Variants in ATP8A2 observed in about 807,000 individuals in gnomAD.
The protein encoded by ATP8A2 is ATPase phospholipid transporting 8A2.
In ATP8A2, 100 loss-of-function variants were observed where a neutral mutation model predicts 165.6. The ratio of observed to expected loss-of-function variants is 0.60; its 90% confidence interval spans 0.51 to 0.71. The LOEUF is 0.71. ATP8A2 is among the 30% of genes least tolerant of loss of function. ATP8A2 has a pLI of 0.00. For synonymous variants in ATP8A2, 543 were observed against 548.8 expected (o/e 0.99, Z 0.15); for missense variants, 1,227 against 1,479.5 (o/e 0.83, Z 2.80).
chr13:26,008,758 A>C (rs551831796), intron 35 of ATP8A2, among the ~76,000 whole-genome samples: 3 of 152,382 alleles, frequency 2.0e-5, no homozygotes, highest in African/African-American at 7.2e-5. Context: ...AGTAGCCTTC[A>C]GTGCTGAAGA....
intron 23 of ATP8A2, among the ~76,000 whole-genome samples, chr13:25,584,494 A>T (rs1016637398): frequency 6.6e-6 from 1 of 152,226 alleles, no homozygotes; most frequent in South Asian, 2.1e-4. Flanking sequence ...CTCCTTCTAG[A>T]TGAAAAAAGG....
At chr13:25,694,221 T>C (rs78774634) in intron 24 of ATP8A2, among the ~76,000 whole-genome samples, 5,978 of 152,324 alleles carry the variant, frequency 0.039, 138 homozygotes, top group Non-Finnish European at 0.059. Context: ...TCTCCATTTA[T>C]GCTGTGCCCT....
chr13:25,683,333 G>C (rs565216576), intron 24 of ATP8A2, among the ~76,000 whole-genome samples: 1 of 152,236 alleles, frequency 6.6e-6, no homozygotes, highest in Non-Finnish European at 1.5e-5. Flanking sequence ...GACTGCAGTT[G>C]GTCCTCTTGC....
At chr13:25,771,411 A>G (rs562726304) in intron 26 of ATP8A2, among the ~76,000 whole-genome samples, 2 of 152,306 alleles carry the variant, frequency 1.3e-5, no homozygotes, top group Non-Finnish European at 1.5e-5. Context: ...TAAATACTTG[A>G]GTTATAACAT....
In ATP8A2 at chr13:25,961,630, C is replaced by T; in HGVS notation, c.3239C>T (p.Thr1080Ile). 6.2e-7 allele frequency: 1 copy of T among 1,614,006 alleles called. No individual in the cohort carries two copies. Among genetic ancestry groups the T allele is most frequent in the Non-Finnish European group, 8.5e-7 (1 of 1,179,918 alleles). Residue 1080 changes from threonine (T) to isoleucine (I), a missense_variant, in exon 34 of 37, where the codon ACT becomes ATT. Around this residue, in one of 5 missense-constraint regions of ATP8A2, gnomAD observed 260 missense variants for 245.1 expected, o/e 1.06. Transcript: ENST00000381655. ...TGGTTGGGATTATTTCTGGTTCCTACTGCCTGTTTGATTGAAGATGTGGCA... is the reference window on the plus strand; with the variant it reads ...TGGTTGGGATTATTTCTGGTTCCTATTGCCTGTTTGATTGAAGATGTGGCA... ...HFWLGLFLVPTACLIEDVAWR... is the reference protein window; with the variant it reads ...HFWLGLFLVPIACLIEDVAWR...
At chr13:25,609,061 T>G (rs1341975852) in intron 24 of ATP8A2, among the ~76,000 whole-genome samples, 3 of 152,020 alleles carry the variant, frequency 2.0e-5, no homozygotes, top group African/African-American at 7.2e-5. Flanking sequence ...GCCTTACCGA[T>G]TAGATTACAA....
chr13:25,447,827 A>T (rs751535524), intron 1 of ATP8A2, among the ~76,000 whole-genome samples: 30 of 152,130 alleles, frequency 2.0e-4, no homozygotes, highest in Non-Finnish European at 4.1e-4. Flanking sequence ...TTTCAGTGGG[A>T]TGGGGAGCTG....
Position 25,419,546 on chromosome 13 carries a change from G to A in ATP8A2, c.76+47258G>A, listed in dbSNP as rs147925601. Among the ~76,000 whole-genome samples the A allele has an allele frequency of 8.5e-5, 13 of 152,212 alleles. No individual in the cohort carries two copies. The East Asian group carries it at 1.2e-3, about 14-fold the overall frequency. ...TAGGCCATTTTGACTAATGCCCAAC[G>A]CACTTACTCACTGGGCAGCTGGAGT... On this transcript the variant is annotated intron_variant, in intron 1 of 36. Transcript: ENST00000381655.
intron 15 of ATP8A2, among the ~76,000 whole-genome samples, chr13:25,561,772 C>T (rs578005247): frequency 6.6e-6 from 1 of 152,314 alleles, no homozygotes; most frequent in Non-Finnish European, 1.5e-5. Context: ...AACAAAAATT[C>T]TTCATTGCTG....
intron 24 of ATP8A2, among the ~76,000 whole-genome samples, chr13:25,670,607 T>C (rs1178364894): frequency 6.6e-6 from 1 of 152,248 alleles, no homozygotes; most frequent in East Asian, 1.9e-4. Flanking sequence ...CCTGTATAGC[T>C]AACATAAATG....
intron 24 of ATP8A2, among the ~76,000 whole-genome samples, chr13:25,655,923 T>A (rs1593145981): frequency 2.6e-5 from 4 of 152,306 alleles, no homozygotes; most frequent in Admixed American, 2.6e-4. Flanking sequence ...TTTGCCAACT[T>A]GTGAGATGTC....
chr13:25,436,096 T>C (rs1036709170), intron 1 of ATP8A2, among the ~76,000 whole-genome samples: 1 of 152,116 alleles, frequency 6.6e-6, no homozygotes, highest in African/African-American at 2.4e-5. Flanking sequence ...TAATAGATTT[T>C]ACTTTTTTCA....
intron 33 of ATP8A2, among the ~76,000 whole-genome samples, chr13:25,935,235 A>G (rs893673801): frequency 1.3e-5 from 2 of 152,170 alleles, no homozygotes; most frequent in Admixed American, 6.5e-5. Context: ...TTGATATTTC[A>G]TGTAAATTCT....
At chr13:25,775,120 G>A (rs528524580) in intron 27 of ATP8A2, among the ~76,000 whole-genome samples, 161 bp downstream of exon 27, 80 of 152,206 alleles carry the variant, frequency 5.3e-4, no homozygotes, top group Non-Finnish European at 6.8e-4. Context: ...TGTGAAGCTG[G>A]GCTCGCCATT....
At position 25,610,951 on chromosome 13, in the gene ATP8A2, G is replaced by A. The variant is rs143511232; in HGVS notation, c.2211+21252G>A. ...TCTTGATTTGATTCTCACCTTAGTC[G>A]CTGTTGGTGTATAGAAGAACTACTG... On this transcript the variant is annotated intron_variant, in intron 24 of 36. Coordinates refer to ENST00000381655, the MANE Select transcript of ATP8A2 (RefSeq NM_016529.6). Among the ~76,000 whole-genome samples, 200 of 143,214 alleles carry A rather than the reference G, an allele frequency of 1.4e-3. 1 individual carries two copies. Among genetic ancestry groups the A allele is most frequent in the African/African-American group, 4.9e-3 (186 of 37,994 alleles). The allele number at this position is 143,214 out of a possible 152,430, so 94.0% of individuals were successfully genotyped here. A position where few individuals can be genotyped will look rare whatever the true frequency, so the allele number is the denominator to read the frequency against.
chr13:25,983,228 GAT>G (rs891196482), intron 35 of ATP8A2, among the ~76,000 whole-genome samples: 15 of 152,118 alleles, frequency 9.9e-5, no homozygotes, highest in Admixed American at 9.8e-4. Context: ...TCCTAAAACT[GAT>G]ATATATTCAG....
chr13:25,961,543 A>G (rs1208615609), intron 33 of ATP8A2, 32 bp from the exon 34 acceptor site: 4 of 1,513,250 alleles, frequency 2.6e-6, no homozygotes, highest in Non-Finnish European at 3.7e-6. Flanking sequence ...AAGAGAAAGT[A>G]TTCAAGCAAG....
chr13:25,566,721 C>T (rs1235503784), intron 16 of ATP8A2, among the ~76,000 whole-genome samples: 5 of 152,218 alleles, frequency 3.3e-5, no homozygotes, highest in Non-Finnish European at 7.3e-5. Flanking sequence ...ACATCAGAGA[C>T]TCATTTATTT....
intron 25 of ATP8A2, among the ~76,000 whole-genome samples, chr13:25,758,469 G>A (rs1023496132): frequency 6.6e-6 from 1 of 152,156 alleles, no homozygotes; most frequent in South Asian, 2.1e-4. Context: ...TTTGTCCAAG[G>A]AAGTGCTATT....
Sources: allele counts gnomAD v4.1 joint callset (sites outside exome capture counted in the v4.1 genomes callset), GRCh38; gene constraint gnomAD v4.1.1; regional missense constraint gnomAD v4.1.1; transcripts MANE v1.5; gene names NCBI Gene and HGNC (gene_info 2026-07-23, HGNC 2026-07-21).